The following NPHP4 variants were observed in gnomAD, a reference collection of about 807,000 sequenced individuals.
NPHP4 encodes nephrocystin-4.
NPHP4 carries 151 observed loss-of-function variants against 155.8 expected under a neutral mutation model. The observed-to-expected ratio is 0.97, with a 90% CI of 0.85 to 1.11. The LOEUF is 1.11. NPHP4 is among the 50% of genes least tolerant of loss of function. The probability of loss-of-function intolerance (pLI) is 0.00; values close to 1 mark genes in which losing one functional copy is unlikely to be tolerated. For missense variants in NPHP4, 1,956 were observed against 1,925.7 expected, an observed-to-expected ratio of 1.02 and a Z score of -0.29; for synonymous variants, 845 against 816.8, an observed-to-expected ratio of 1.03 and a Z score of -0.59.
intron 6 of NPHP4, among the ~76,000 whole-genome samples, chr1:5,955,520 TA>T (rs1649011915): frequency 6.6e-6 from 1 of 152,082 alleles, no homozygotes; most frequent in African/African-American, 2.4e-5. Context: ...TAAAGAAAAG[TA>T]GTGTATCTAC....
At chr1:5,923,664 G>A (rs1310628642) in intron 11 of NPHP4, among the ~76,000 whole-genome samples, 2 of 152,230 alleles carry the variant, frequency 1.3e-5, no homozygotes, top group African/African-American at 2.4e-5. Flanking sequence ...AGAGCCCTCT[G>A]GGGGCACCTG....
chr1:5,912,193 G>A (rs920243787), intron 11 of NPHP4, among the ~76,000 whole-genome samples: 7 of 152,248 alleles, frequency 4.6e-5, no homozygotes, highest in African/African-American at 1.7e-4. Context: ...AATGGGATGG[G>A]AGGAGACCAG....
At chr1:5,939,119 A>G (rs530648636) in intron 9 of NPHP4, among the ~76,000 whole-genome samples, 1 of 152,366 alleles carries the variant, frequency 6.6e-6, no homozygotes, top group Non-Finnish European at 1.5e-5. Context: ...TGCAGCCACA[A>G]GTGCCCCCAG....
intron 9 of NPHP4, among the ~76,000 whole-genome samples, chr1:5,943,353 G>A (rs1437934775): frequency 6.6e-6 from 1 of 152,154 alleles, no homozygotes; most frequent in African/African-American, 2.4e-5. Context: ...CAGTGCCTGG[G>A]TGTGCCCTGA....
intron 19 of NPHP4, chr1:5,879,579 C>A (rs1325416872): frequency 1.9e-6 from 1 of 519,010 alleles, no homozygotes; most frequent in Non-Finnish European, 3.8e-6. Flanking sequence ...GACACAAATG[C>A]CACTGGCAGG....
chr1:5,891,979 G>T (rs1464763505), intron 16 of NPHP4, among the ~76,000 whole-genome samples: 1 of 152,364 alleles, frequency 6.6e-6, no homozygotes, highest in East Asian at 1.9e-4. Context: ...GGGCCCCAAG[G>T]GGGTGGAGCA....
At chr1:5,945,307 C>A (rs1647034200) in intron 9 of NPHP4, among the ~76,000 whole-genome samples, 1 of 151,936 alleles carries the variant, frequency 6.6e-6, no homozygotes, top group Non-Finnish European at 1.5e-5. Context: ...CTGGGCAGCC[C>A]CATCCCTCCC....
chr1:5,912,502 CACTCCAGCCTGGGCAACACAGTGAG>C (rs1166491628), intron 11 of NPHP4, among the ~76,000 whole-genome samples: 1 of 144,122 alleles, frequency 6.9e-6, no homozygotes, highest in Non-Finnish European at 1.5e-5. Context: ...CGCGCCACTG[CACTCCAGCCTGGGCAACACAGTGAG>C]ACTCCGTCTC....
chr1:5,918,261 GAAAGTTTAAT>G (rs1335478861), intron 11 of NPHP4, among the ~76,000 whole-genome samples: 17 of 152,318 alleles, frequency 1.1e-4, no homozygotes, highest in African/African-American at 4.1e-4. Context: ...AGAGGGCAAG[GAAAGTTTAAT>G]ATATGCCTTT....
intron 1 of NPHP4, 98 bp downstream of exon 1, chr1:5,992,146 G>C (rs1197520703): frequency 6.6e-6 from 1 of 152,178 alleles, no homozygotes; most frequent in South Asian, 2.1e-4. Flanking sequence ...GAACCCCGAG[G>C]CTCTGGCCAA....
At chr1:5,968,290 T>A (rs1446789945) in intron 4 of NPHP4, among the ~76,000 whole-genome samples, 1 of 151,868 alleles carries the variant, frequency 6.6e-6, no homozygotes, top group Non-Finnish European at 1.5e-5. Context: ...TAAAGAACAA[T>A]TCCTTAAGTC....
rs941731474 is a variant in NPHP4 at position 5,889,957 on chromosome 1, G to A, written c.2304+911C>T. On this transcript the variant is annotated intron_variant, in intron 17 of 29. Transcript: ENST00000378156. The surrounding 1 kb of genome is among the most constrained non-coding windows in gnomAD (Gnocchi z 4.2). ...AGCCTGGATCAGTCGGTCACACGGG[G>A]AGCCAAGAGCAGACCATGCCTCAGA... Among the ~76,000 whole-genome samples, 2 of 152,244 alleles carry A rather than the reference G, an allele frequency of 1.3e-5. No homozygotes were observed. Among genetic ancestry groups the A allele is most frequent in the African/African-American group, 4.8e-5 (2 of 41,470 alleles).
rs1461918175 is a variant in NPHP4 at position 5,889,918 on chromosome 1, G to A, written c.2304+950C>T. Among the ~76,000 whole-genome samples, 1 of 152,250 alleles carries A rather than the reference G, an allele frequency of 6.6e-6. No homozygotes were observed. Among genetic ancestry groups the A allele is most frequent in the Non-Finnish European group, 1.5e-5 (1 of 68,040 alleles). On this transcript the variant is annotated intron_variant, in intron 17 of 29. Transcript: ENST00000378156. This position sits in a 1 kb window ranked among gnomAD's most constrained non-coding sequence, Gnocchi z 4.2. ...GCATCCCCCTCCTCTAGAAGTCACA[G>A]GGAGCAGGGATGGAGCCTGGATCAG...
At position 5,988,997 on chromosome 1, in the gene NPHP4, G is replaced by A. The variant is rs551248402; in HGVS notation, c.-38-2670C>T. On this transcript the variant is annotated intron_variant, in intron 1 of 29. Transcript: ENST00000378156. Reference sequence around the variant, plus strand: ...TTGTTCTCTGTGGGCTATTTTTGTCGCTCAACTTCCCTTGTTTTGTGGAGG... The same window carrying A: ...TTGTTCTCTGTGGGCTATTTTTGTCACTCAACTTCCCTTGTTTTGTGGAGG... Among the ~76,000 whole-genome samples, 29 of 152,218 alleles carry A rather than the reference G, an allele frequency of 1.9e-4. 1 individual carries two copies. Among genetic ancestry groups the A allele is most frequent in the South Asian group, 1.0e-3 (5 of 4,824 alleles).
intron 23 of NPHP4, chr1:5,868,470 G>C (rs1388502895): frequency 4.3e-6 from 1 of 232,644 alleles, no homozygotes; most frequent in Non-Finnish European, 8.6e-6. Flanking sequence ...CTGATAAAAA[G>C]GCTATATTTG....
Position 5,964,941 on chromosome 1 carries a change from A to ATATTTT in NPHP4, c.517+2357_517+2358insAAAATA. On this transcript the variant is annotated intron_variant, in intron 5 of 29. Coordinates refer to ENST00000378156, the MANE Select transcript of NPHP4 (RefSeq NM_015102.5). ...ATTATATATATATATATATATATATATTTTTTTTTTTTGAGGCAGGGTCTC... is the reference window on the plus strand; with the variant it reads ...ATTATATATATATATATATATATATATATTTTTTTTTTTTTTTTGAGGCAGGGTCTC... Among the ~76,000 whole-genome samples the ATATTTT allele has an allele frequency of 3.0e-3, 179 of 59,412 alleles. 11 individuals carry two copies. Among genetic ancestry groups the ATATTTT allele is most frequent in the African/African-American group, 0.015 (174 of 11,790 alleles). The allele number at this position is 59,412 out of a possible 152,430, so 39.0% of individuals were successfully genotyped here.
chr1:5,954,754 A>C (rs1285422743), intron 6 of NPHP4, among the ~76,000 whole-genome samples: 1 of 152,230 alleles, frequency 6.6e-6, no homozygotes, highest in African/African-American at 2.4e-5. Context: ...CTAGAAGAAA[A>C]CGGAAGAAGT....
At chr1:5,923,207 A>C (rs1645833968) in intron 11 of NPHP4, among the ~76,000 whole-genome samples, 1 of 152,218 alleles carries the variant, frequency 6.6e-6, no homozygotes, top group East Asian at 1.9e-4. Context: ...TGATTTCAGC[A>C]GCCAAGAGAC....
Position 5,927,762 on chromosome 1 carries a change from A to G in NPHP4, c.1328T>C (p.Leu443Pro). The G allele has an allele frequency of 6.2e-7, 1 of 1,612,744 alleles. No individual in the cohort carries two copies. Among genetic ancestry groups the G allele is most frequent in the Non-Finnish European group, 8.5e-7 (1 of 1,178,976 alleles). ...EEVKQVESGTLRFQFSLGSEE... is the reference protein window; with the variant it reads ...EEVKQVESGTPRFQFSLGSEE... ...TGAGCCCAGCGAGAACTGGAACCGG[A>G]GTGTACCCGACTCCACCTGCTTCAC... The change falls in exon 11 of 30, where the codon CTC becomes CCC. Residue 443 changes from leucine (L) to proline (P), a missense_variant. By Grantham distance (98) the Leu-to-Pro change is moderately conservative (BLOSUM62 -3). Coordinates refer to ENST00000378156, the MANE Select transcript of NPHP4 (RefSeq NM_015102.5).
Sources: gnomAD v4.1 joint callset for allele counts (sites outside exome capture counted in the v4.1 genomes callset) on GRCh38, gnomAD v4.1.1 for gene constraint, Gnocchi (gnomAD v3.1) non-coding constraint, MANE v1.5 for transcripts, NCBI Gene and HGNC (gene_info 2026-07-23, HGNC 2026-07-21) for gene names.